ANO3: variants seen among roughly 807,000 people sequenced by gnomAD.
ANO3 encodes anoctamin 3, also known as anoctamin-3.
Under a neutral mutation model 144.8 loss-of-function variants are expected in ANO3, and 99 were observed. The ratio of observed to expected loss-of-function variants is 0.68; its 90% CI spans 0.58 to 0.81. ANO3 has a LOEUF of 0.81. Among genes scored for constraint, ANO3 ranks in the 30% least tolerant of loss-of-function variants. The probability of loss-of-function intolerance (pLI) is 0.00; values close to 1 mark genes in which losing one functional copy is unlikely to be tolerated. For synonymous variants in ANO3, 414 were observed against 392.6 expected, an observed-to-expected ratio of 1.05 and a Z score of -0.64; for missense variants, 905 against 1,202.2, an observed-to-expected ratio of 0.75 and a Z score of 3.66.
chr11:26,423,093 G>T (rs1857801238), intron 1 of ANO3, among the ~76,000 whole-genome samples: 1 of 151,872 alleles, frequency 6.6e-6, no homozygotes, highest in Non-Finnish European at 1.5e-5. Flanking sequence ...ACTATTTTCA[G>T]CCATAACGTA....
chr11:26,574,776 ATCT>A (rs1850944408), intron 14 of ANO3, among the ~76,000 whole-genome samples: 2 of 152,218 alleles, frequency 1.3e-5, no homozygotes, highest in Middle Eastern at 3.4e-3. Context: ...CTATAATAAG[ATCT>A]TCTTCACTTA....
chr11:26,357,042 T>G (rs1303531428), intron 1 of ANO3, among the ~76,000 whole-genome samples: 1 of 152,218 alleles, frequency 6.6e-6, no homozygotes, highest in East Asian at 1.9e-4. Flanking sequence ...TATATAAGGT[T>G]AATTCACAGG....
intron 4 of ANO3, among the ~76,000 whole-genome samples, chr11:26,467,996 A>G (rs11029571): frequency 0.26 from 39,704 of 151,696 alleles, 5,529 homozygotes; most frequent in South Asian, 0.4. Context: ...TTCTTGTTTC[A>G]TGAATATGGA....
intron 14 of ANO3, among the ~76,000 whole-genome samples, chr11:26,589,914 G>A (rs779722331): frequency 1.8e-4 from 27 of 152,104 alleles, no homozygotes; most frequent in Non-Finnish European, 3.1e-4. Context: ...TTCAACATTT[G>A]GTTTCTACTG....
upstream of ANO3, among the ~76,000 whole-genome samples, chr11:26,305,164 A>G (rs150402090): frequency 8.1e-3 from 1,228 of 152,234 alleles, 11 homozygotes; most frequent in African/African-American, 0.028. Flanking sequence ...AGGCAAAAAA[A>G]AAAAAAAAGT....
intron 1 of ANO3, among the ~76,000 whole-genome samples, chr11:26,334,554 A>G (rs573748603): frequency 6.6e-6 from 1 of 152,338 alleles, no homozygotes; most frequent in Admixed American, 6.5e-5. Flanking sequence ...CTAGCTGAGA[A>G]ATCTTCAACA....
At chr11:26,501,150 G>A (rs183079589) in intron 4 of ANO3, among the ~76,000 whole-genome samples, 3 of 152,304 alleles carry the variant, frequency 2.0e-5, no homozygotes, top group African/African-American at 7.2e-5. Context: ...TTGGCCTTAT[G>A]AGCTGAAACC....
At chr11:26,351,885 T>C (rs1235242715) in intron 1 of ANO3, among the ~76,000 whole-genome samples, 2 of 152,138 alleles carry the variant, frequency 1.3e-5, no homozygotes, top group East Asian at 3.8e-4. Flanking sequence ...TATCCCTTGA[T>C]TGAAAATGCA....
intron 1 of ANO3, among the ~76,000 whole-genome samples, chr11:26,408,113 A>C (rs1468072116): frequency 6.6e-6 from 1 of 152,048 alleles, no homozygotes; most frequent in Non-Finnish European, 1.5e-5. Flanking sequence ...CAAAAGCCAA[A>C]ATTGACAAAT....
chr11:26,349,555 T>G (rs1009969527), intron 1 of ANO3, among the ~76,000 whole-genome samples: 10 of 152,126 alleles, frequency 6.6e-5, no homozygotes, highest in Middle Eastern at 6.3e-3. Context: ...GTTTTTGTTT[T>G]TTTGTTTTTT....
intron 1 of ANO3, among the ~76,000 whole-genome samples, chr11:26,292,437 C>A (rs1005306416): frequency 1.3e-5 from 2 of 152,154 alleles, no homozygotes; most frequent in Non-Finnish European, 2.9e-5. Flanking sequence ...CATTCTCTAT[C>A]CAGCTGTGCT....
At chr11:26,373,101 C>T (rs532060400) in intron 1 of ANO3, among the ~76,000 whole-genome samples, 1 of 152,076 alleles carries the variant, frequency 6.6e-6, no homozygotes, top group African/African-American at 2.4e-5. Context: ...TATATACGGG[C>T]AGACACACAC....
intron 23 of ANO3, among the ~76,000 whole-genome samples, chr11:26,647,188 T>C (rs961396327): frequency 3.3e-5 from 5 of 152,182 alleles, no homozygotes; most frequent in Admixed American, 3.3e-4. Flanking sequence ...ATTTTCATGA[T>C]GCCAGATTGA....
intron 1 of ANO3, among the ~76,000 whole-genome samples, chr11:26,299,074 C>T (rs570722901): frequency 2.0e-5 from 3 of 152,176 alleles, no homozygotes; most frequent in Admixed American, 6.5e-5. Flanking sequence ...AACCATGAGA[C>T]AGGATGAAAT....
chr11:26,348,153 G>GA (rs1305981658), intron 1 of ANO3, among the ~76,000 whole-genome samples: 21 of 151,890 alleles, frequency 1.4e-4, no homozygotes, highest in Non-Finnish European at 1.5e-5. Context: ...TCCTGATCCT[G>GA]ATTTTGAAAG....
chr11:26,521,676 T>G (rs1251577488), intron 6 of ANO3, among the ~76,000 whole-genome samples: 1 of 152,158 alleles, frequency 6.6e-6, no homozygotes, highest in Non-Finnish European at 1.5e-5. Context: ...ATTCCAGACA[T>G]GTCAGATCAT....
intron 4 of ANO3, among the ~76,000 whole-genome samples, chr11:26,486,798 G>A (rs1480907111): frequency 1.3e-5 from 2 of 152,168 alleles, no homozygotes; most frequent in African/African-American, 4.8e-5. Flanking sequence ...CACTCTTTTG[G>A]AACCTGAACA....
intron 1 of ANO3, among the ~76,000 whole-genome samples, chr11:26,398,378 G>T (rs934475620): frequency 2.6e-5 from 4 of 152,044 alleles, no homozygotes; most frequent in African/African-American, 9.7e-5. Flanking sequence ...CTTTGGAAAT[G>T]AATGGAGAGA....
intron 17 of ANO3, among the ~76,000 whole-genome samples, chr11:26,616,312 A>C (rs1353984486): frequency 6.6e-6 from 1 of 152,206 alleles, no homozygotes; most frequent in African/African-American, 2.4e-5. Context: ...AGGTTGGTGC[A>C]AAAGTTATTG....
Sources: gnomAD v4.1 joint callset for allele counts (sites outside exome capture counted in the v4.1 genomes callset) on GRCh38, gnomAD v4.1.1 for gene constraint, MANE v1.5 for transcripts, NCBI Gene and HGNC (gene_info 2026-07-23, HGNC 2026-07-21) for gene names.